The following TBCK variants were observed in gnomAD, a reference collection of about 807,000 sequenced individuals.
The protein encoded by TBCK is TBC1 domain containing kinase.
TBCK carries 99 observed loss-of-function variants against 113.4 expected under a neutral mutation model. That is an observed-to-expected ratio of 0.87 (90% CI 0.74 to 1.03). The LOEUF is 1.03. Among genes scored for constraint, TBCK ranks in the 50% least tolerant of loss-of-function variants. The probability of loss-of-function intolerance (pLI) is 0.00; values close to 1 mark genes in which losing one functional copy is unlikely to be tolerated. For missense variants in TBCK, 1,045 were observed against 1,061.3 expected (o/e 0.98, Z 0.21); for synonymous variants, 369 against 370.8 (o/e 1.00, Z 0.05).
At chr4:106,316,531 CGGGT>C, upstream of TBCK, 1 of 1,551,498 alleles carries the variant, frequency 6.4e-7, no homozygotes, top group Non-Finnish European at 8.7e-7. Flanking sequence ...CTATAGTACG[CGGGT>C]GGCTGGACCT....
At chr4:106,173,238 T>TC (rs1751245737) in intron 22 of TBCK, among the ~76,000 whole-genome samples, 1 of 152,176 alleles carries the variant, frequency 6.6e-6, no homozygotes, top group African/African-American at 2.4e-5. Context: ...ACTTGTTATT[T>TC]CACAAAGAAA....
At chr4:106,218,042 T>G (rs199546404) in intron 19 of TBCK, among the ~76,000 whole-genome samples, 14 of 129,086 alleles carry the variant, frequency 1.1e-4, no homozygotes, top group Non-Finnish European at 1.0e-4. Context: ...TGGAACAGAA[T>G]AGAGCCCTCA....
chr4:106,080,447 A>G (rs547343446), intron 25 of TBCK, among the ~76,000 whole-genome samples: 8 of 152,260 alleles, frequency 5.3e-5, no homozygotes, highest in African/African-American at 1.4e-4. Flanking sequence ...TTCAATAAAT[A>G]GTGCTGGGAC....
At position 106,252,382 on chromosome 4, in the gene TBCK, A is replaced by G. The variant is rs182889405; in HGVS notation, c.456-375T>C. Among the ~76,000 whole-genome samples, 355 of 147,708 alleles carry G rather than the reference A, an allele frequency of 2.4e-3. 1 individual carries two copies. The highest frequency in any genetic ancestry group is 8.4e-3 in the African/African-American group (346 of 41,200). On this transcript the variant is annotated intron_variant, in intron 5 of 25. Transcript: ENST00000394708. ...CATTTTATCTTTTAAAAAAGTATTT[A>G]TTTTTAGTAGTAAGAATGTTAATGC...
rs561204193 is a variant in TBCK, at chr4:106,205,535, G to T, written c.1860+7215C>A. On this transcript the variant is annotated intron_variant, in intron 20 of 25. Transcript: ENST00000394708. Reference sequence around the variant, plus strand: ...AAGGCAGGTGGATCACTTGAAGTCAGGAGTTCAAGACCAGCCTGGCCAACA... The same window carrying T: ...AAGGCAGGTGGATCACTTGAAGTCATGAGTTCAAGACCAGCCTGGCCAACA... Among the ~76,000 whole-genome samples the T allele has an allele frequency of 6.0e-5, 8 of 133,938 alleles. No individual in the cohort carries two copies. The South Asian group carries it at 1.4e-3, about 24-fold the overall frequency. The allele number at this position is 133,938 out of a possible 152,430, so 87.9% of individuals were successfully genotyped here.
At chr4:106,109,814 A>C (rs1198443088) in intron 24 of TBCK, among the ~76,000 whole-genome samples, 2 of 152,342 alleles carry the variant, frequency 1.3e-5, no homozygotes, top group African/African-American at 4.8e-5. Context: ...CAGCAAAAGA[A>C]ACTATCAACA....
At chr4:106,165,569 T>C (rs561497422) in intron 23 of TBCK, among the ~76,000 whole-genome samples, 58 of 151,716 alleles carry the variant, frequency 3.8e-4, no homozygotes, top group Non-Finnish European at 6.8e-4. Flanking sequence ...ATGTCCTTTG[T>C]ACAGATTATT....
intron 25 of TBCK, among the ~76,000 whole-genome samples, chr4:106,073,453 C>T (rs1737747792): frequency 1.3e-5 from 2 of 152,182 alleles, no homozygotes; most frequent in South Asian, 4.1e-4. Context: ...TACTGCAGAA[C>T]AGCAAATACT....
intron 5 of TBCK, among the ~76,000 whole-genome samples, chr4:106,257,218 A>G (rs2150083559): frequency 6.6e-6 from 1 of 152,310 alleles, no homozygotes; most frequent in Middle Eastern, 3.4e-3. Flanking sequence ...AAATTTTGCC[A>G]TACTTATTAC....
At chr4:106,062,879 T>A (rs1736202726) in intron 25 of TBCK, among the ~76,000 whole-genome samples, 1 of 151,944 alleles carries the variant, frequency 6.6e-6, no homozygotes, top group Admixed American at 6.6e-5. Flanking sequence ...ATATAATATT[T>A]CTAGTAAACA....
intron 3 of TBCK, among the ~76,000 whole-genome samples, chr4:106,284,437 C>T (rs975845665): frequency 1.6e-4 from 24 of 152,082 alleles, no homozygotes; most frequent in African/African-American, 4.3e-4. Context: ...TGTTTTCCAT[C>T]AGGCTAGTAA....
chr4:106,225,491 G>A (rs1197273344), intron 19 of TBCK, among the ~76,000 whole-genome samples: 3 of 151,960 alleles, frequency 2.0e-5, no homozygotes, highest in Non-Finnish European at 4.4e-5. Flanking sequence ...ACGGAGTCTC[G>A]CTCTGTCACC....
At chr4:106,260,575 A>C in intron 4 of TBCK, 65 bp from the exon 5 acceptor site, 1 of 499,120 alleles carries the variant, frequency 2.0e-6, no homozygotes, top group South Asian at 5.4e-5. Flanking sequence ...TATAATTTAT[A>C]TTATAAAATT....
At position 106,116,382 on chromosome 4, in the gene TBCK, AAAAAAAAAATGTAC is replaced by A. The variant is rs758898006; in HGVS notation, c.2236-18_2236-5del. On this transcript the variant is annotated splice_polypyrimidine_tract_variant and splice_region_variant and intron_variant, in intron 23 of 25. Coordinates refer to ENST00000394708, the MANE Select transcript of TBCK (RefSeq NM_001163435.3). ...TTAATGGGATGGATTCTCTTGACTG[AAAAAAAAAATGTAC>A]AAAAAAAAATATTGAGAATATTATA... is the stretch of plus-strand genomic sequence containing the variant. 4 of 1,430,356 alleles carry A rather than the reference AAAAAAAAAATGTAC, an allele frequency of 2.8e-6. No individual in the cohort carries two copies. Among genetic ancestry groups the A allele is most frequent in the Non-Finnish European group, 3.8e-6 (4 of 1,054,552 alleles). The allele number at this position is 1,430,356 out of a possible 1,614,324, so 88.6% of individuals were successfully genotyped here. A position where few individuals can be genotyped will look rare whatever the true frequency, so the allele number is the denominator to read the frequency against.
At chr4:106,233,559 T>C (rs2149999454) in intron 16 of TBCK, 29 bp downstream of exon 16, 1 of 1,581,262 alleles carries the variant, frequency 6.3e-7, no homozygotes, top group Non-Finnish European at 8.7e-7. Context: ...AGAATTATCT[T>C]AGGTTGCTTA....
chr4:106,174,681 G>T (rs1465797698), intron 22 of TBCK, among the ~76,000 whole-genome samples: 1 of 152,012 alleles, frequency 6.6e-6, no homozygotes, highest in Non-Finnish European at 1.5e-5. Flanking sequence ...TATTCTATAA[G>T]AATCTTGAAC....
Position 106,131,115 on chromosome 4 carries a change from G to C in TBCK, c.2236-14737C>G, listed in dbSNP as rs142436429. On this transcript the variant is annotated intron_variant, in intron 23 of 25. Transcript: ENST00000394708. ...ATACTGTTCTCATGGTAGTGAGTAA[G>C]TCTCACGAGATCTGATGGGTTTGTA... Among the ~76,000 whole-genome samples, 4 of 152,250 alleles carry C rather than the reference G, an allele frequency of 2.6e-5. No individual in the cohort carries two copies. In the East Asian group the frequency reaches 7.7e-4, roughly 29 times the overall value.
intron 3 of TBCK, among the ~76,000 whole-genome samples, chr4:106,267,274 G>A (rs12645743): frequency 0.14 from 21,408 of 151,738 alleles, 1,686 homozygotes; most frequent in South Asian, 0.25. Flanking sequence ...CCAAAAGGTA[G>A]CTTTCAAAAT....
chr4:106,310,803 T>C (rs1283906982), intron 1 of TBCK, among the ~76,000 whole-genome samples: 1 of 152,092 alleles, frequency 6.6e-6, no homozygotes, highest in Non-Finnish European at 1.5e-5. Context: ...AACAATGAAA[T>C]AAACCTCCAA....
Sources: gnomAD v4.1 joint callset for allele counts (sites outside exome capture counted in the v4.1 genomes callset) on GRCh38, gnomAD v4.1.1 for gene constraint, MANE v1.5 for transcripts, NCBI Gene and HGNC (gene_info 2026-07-23, HGNC 2026-07-21) for gene names.